Variants in METTL15 observed in about 807,000 individuals in gnomAD.
The protein encoded by METTL15 is 12S rRNA N(4)-cytidine methyltransferase METTL15.
A neutral mutation model predicts 38.3 loss-of-function variants in METTL15; 34 were observed. The observed-to-expected ratio is 0.89, with a 90% CI of 0.68 to 1.18. The LOEUF (loss-of-function observed/expected upper bound fraction) is 1.18. Among genes scored for constraint, METTL15 ranks in the 50% most tolerant of loss-of-function variants. The probability of loss-of-function intolerance (pLI) is 0.00; values close to 1 mark genes in which losing one functional copy is unlikely to be tolerated. For synonymous variants in METTL15, 162 were observed against 170.9 expected (o/e 0.95, Z 0.41); for missense variants, 438 against 498.4 (o/e 0.88, Z 1.15).
chr11:28,269,006 G>A (rs748006102), intron 4 of METTL15, among the ~76,000 whole-genome samples: 2 of 152,138 alleles, frequency 1.3e-5, no homozygotes, highest in Non-Finnish European at 2.9e-5. Flanking sequence ...TATCACTTCT[G>A]TTACATTTTA....
chr11:28,172,680 C>T (rs1207912452), intron 3 of METTL15, among the ~76,000 whole-genome samples: 1 of 152,156 alleles, frequency 6.6e-6, no homozygotes, highest in Admixed American at 6.5e-5. Context: ...AAGACTGAAT[C>T]AGTTTATTCA....
chr11:28,204,739 A>T (rs767095945), intron 3 of METTL15, among the ~76,000 whole-genome samples: 1 of 151,864 alleles, frequency 6.6e-6, no homozygotes, highest in Non-Finnish European at 1.5e-5. Flanking sequence ...TGTAATGATG[A>T]TATAAGGTAA....
chr11:28,180,856 A>T (rs1565147281), intron 3 of METTL15, among the ~76,000 whole-genome samples: 1 of 151,846 alleles, frequency 6.6e-6, no homozygotes, highest in Non-Finnish European at 1.5e-5. Context: ...AACTCTGACA[A>T]CTGCCATTAA....
At chr11:28,399,427 T>C (rs934522428) in intron 5 of METTL15, among the ~76,000 whole-genome samples, 3 of 151,978 alleles carry the variant, frequency 2.0e-5, no homozygotes, top group Non-Finnish European at 4.4e-5. Flanking sequence ...AATGAAACTC[T>C]CCTTTCATCC....
intron 4 of METTL15, among the ~76,000 whole-genome samples, chr11:28,252,821 T>C (rs938744498): frequency 4.6e-5 from 7 of 152,134 alleles, no homozygotes; most frequent in Non-Finnish European, 7.3e-5. Flanking sequence ...CCACGTCCAC[T>C]CCCTCCAGTT....
chr11:28,530,806 T>A (rs1031559577), downstream of METTL15, among the ~76,000 whole-genome samples: 1 of 152,012 alleles, frequency 6.6e-6, no homozygotes, highest in Non-Finnish European at 1.5e-5. Flanking sequence ...AGGCCCCAAC[T>A]GAAGAAATTA....
intron 6 of METTL15, among the ~76,000 whole-genome samples, chr11:28,495,460 A>G (rs1287620770): frequency 6.6e-6 from 1 of 152,186 alleles, no homozygotes; most frequent in African/African-American, 2.4e-5. Flanking sequence ...GATGCTGAGC[A>G]TGCTTGTAAG....
At chr11:28,218,253 G>C (rs940584667) in intron 4 of METTL15, among the ~76,000 whole-genome samples, 1 of 152,036 alleles carries the variant, frequency 6.6e-6, no homozygotes, top group Non-Finnish European at 1.5e-5. Context: ...GTTTGTAGTT[G>C]TCCTGGAAGA....
intron 3 of METTL15, among the ~76,000 whole-genome samples, chr11:28,189,454 AT>A (rs1247925693): frequency 6.6e-6 from 1 of 151,264 alleles, no homozygotes; most frequent in East Asian, 1.9e-4. Flanking sequence ...ACTGCCAAGG[AT>A]TTTAGCTAAA....
chr11:28,197,109 G>C (rs1851937299), intron 3 of METTL15, among the ~76,000 whole-genome samples: 1 of 151,580 alleles, frequency 6.6e-6, no homozygotes, highest in Non-Finnish European at 1.5e-5. Context: ...ATTCAAAGTT[G>C]TTTTCTTAGT....
chr11:28,336,296 T>C (rs1390557087), downstream of METTL15, among the ~76,000 whole-genome samples: 1 of 152,172 alleles, frequency 6.6e-6, no homozygotes, highest in Non-Finnish European at 1.5e-5. Flanking sequence ...GGCATTCATT[T>C]AGGTAAGAGA....
intron 4 of METTL15, among the ~76,000 whole-genome samples, chr11:28,265,648 C>G (rs1224589166): frequency 6.6e-6 from 1 of 151,952 alleles, no homozygotes; most frequent in Admixed American, 6.6e-5. Flanking sequence ...TCTTGGCTTT[C>G]TTTTCTTTCC....
At chr11:28,289,170 A>G (rs946182414) in intron 4 of METTL15, among the ~76,000 whole-genome samples, 1 of 152,148 alleles carries the variant, frequency 6.6e-6, no homozygotes, top group Non-Finnish European at 1.5e-5. Context: ...GGCACCCATC[A>G]GATTATTTTG....
chr11:28,354,410 G>C (rs1850072425), intron 4 of METTL15, among the ~76,000 whole-genome samples: 1 of 152,130 alleles, frequency 6.6e-6, no homozygotes, highest in Admixed American at 6.5e-5. Context: ...CTAATCTATA[G>C]AATTCTTGGG....
chr11:28,124,026 A>C (rs1005876952), intron 3 of METTL15: 1 of 488,240 alleles, frequency 2.0e-6, no homozygotes, highest in South Asian at 8.4e-5. Context: ...TGTGCTTTTC[A>C]TTAATACTAA....
chr11:28,233,371 A>G (rs1338495149), intron 4 of METTL15, among the ~76,000 whole-genome samples: 1 of 152,128 alleles, frequency 6.6e-6, no homozygotes, highest in Non-Finnish European at 1.5e-5. Context: ...ATTTTCTTGT[A>G]TAAATGATTA....
downstream of METTL15, among the ~76,000 whole-genome samples, chr11:28,527,584 TA>T (rs1257612857): frequency 6.6e-6 from 1 of 152,146 alleles, no homozygotes; most frequent in African/African-American, 2.4e-5. Flanking sequence ...CAAAGAACTA[TA>T]AAAATAAATG....
chr11:28,248,562 G>A (rs779354679), intron 4 of METTL15, among the ~76,000 whole-genome samples: 2 of 151,942 alleles, frequency 1.3e-5, no homozygotes, highest in Non-Finnish European at 2.9e-5. Flanking sequence ...AGCCTTGTAA[G>A]TAAAAATATA....
At chr11:28,468,464 TTTA>T (rs1242000478) in intron 6 of METTL15, among the ~76,000 whole-genome samples, 1 of 152,186 alleles carries the variant, frequency 6.6e-6, no homozygotes, top group Non-Finnish European at 1.5e-5. Flanking sequence ...ATTTAACTGG[TTTA>T]TCAACTACAT....
Sources: gnomAD v4.1 joint callset for allele counts (sites outside exome capture counted in the v4.1 genomes callset) on GRCh38, gnomAD v4.1.1 for gene constraint, MANE v1.5 for transcripts, NCBI Gene and HGNC (gene_info 2026-07-23, HGNC 2026-07-21) for gene names.